The following KSR2 variants were observed in gnomAD, a reference collection of about 807,000 sequenced individuals.
The protein encoded by KSR2 is kinase suppressor of ras 2.
KSR2 carries 25 observed loss-of-function variants against 107.8 expected under a neutral mutation model. The observed-to-expected ratio is 0.23, with a 90% CI of 0.17 to 0.32. The LOEUF (loss-of-function observed/expected upper bound fraction) is 0.32, where lower values mean the gene tolerates loss of function less well. Among genes scored for constraint, KSR2 ranks in the 10% least tolerant of loss-of-function variants. The probability of loss-of-function intolerance (pLI) is 1.00; values close to 1 mark genes in which losing one functional copy is unlikely to be tolerated. For synonymous variants in KSR2, 480 were observed against 507.0 expected (o/e 0.95, Z 0.71); for missense variants, 887 against 1,268.9 (o/e 0.70, Z 4.57).
At chr12:117,692,594 C>A (rs1258294162) in intron 4 of KSR2, among the ~76,000 whole-genome samples, 2 of 149,800 alleles carry the variant, frequency 1.3e-5, no homozygotes, top group African/African-American at 4.9e-5. Flanking sequence ...TAAACAAATA[C>A]ACGTACACCT....
intron 3 of KSR2, among the ~76,000 whole-genome samples, chr12:117,768,705 G>A (rs1889332040): frequency 1.3e-5 from 2 of 152,230 alleles, no homozygotes; most frequent in South Asian, 2.1e-4. Context: ...GAGAGGTGGA[G>A]TGACTGTATA....
intron 14 of KSR2, among the ~76,000 whole-genome samples, chr12:117,513,908 T>G (rs1874196413): frequency 6.6e-6 from 1 of 152,230 alleles, no homozygotes; most frequent in African/African-American, 2.4e-5. Flanking sequence ...TTGAAGTAGG[T>G]ACCGTTCAAT....
At chr12:117,570,740 T>G (rs1218413963) in intron 7 of KSR2, among the ~76,000 whole-genome samples, 1 of 152,212 alleles carries the variant, frequency 6.6e-6, no homozygotes, top group African/African-American at 2.4e-5. Flanking sequence ...TGAACATATC[T>G]CATCACATGG....
chr12:117,697,739 CAAAAAA>C (rs35764451), intron 4 of KSR2, among the ~76,000 whole-genome samples: 1 of 66,382 alleles, frequency 1.5e-5, no homozygotes. Flanking sequence ...GACTCCATCT[CAAAAAA>C]AAAAAAAAAA....
intron 9 of KSR2, among the ~76,000 whole-genome samples, chr12:117,540,786 G>A (rs1876429887): frequency 6.6e-6 from 1 of 152,202 alleles, no homozygotes; most frequent in South Asian, 2.1e-4. Flanking sequence ...GTCCTTCAGA[G>A]CCTCTAGAAG....
chr12:117,688,803 G>C (rs1885693596), intron 4 of KSR2, among the ~76,000 whole-genome samples: 1 of 152,192 alleles, frequency 6.6e-6, no homozygotes, highest in African/African-American at 2.4e-5. Flanking sequence ...TGTAAGTTTG[G>C]AGGACGACTC....
At position 117,530,453 on chromosome 12, in the gene KSR2, T is replaced by A. The variant is rs1334520604; in HGVS notation, c.1802+488A>T. On this transcript the variant is annotated intron_variant, in intron 12 of 19. Transcript: ENST00000339824. ...ACAAATAGGCATGGCTGTGTTCCAATAAAACTTTAAATAAAAACAAGCAGG... is the reference window on the plus strand; with the variant it reads ...ACAAATAGGCATGGCTGTGTTCCAAAAAAACTTTAAATAAAAACAAGCAGG... Among the ~76,000 whole-genome samples the A allele has an allele frequency of 3.3e-5, 5 of 152,262 alleles. No individual in the cohort carries two copies. The East Asian group carries it at 5.8e-4, about 18-fold the overall frequency.
chr12:117,828,697 C>T (rs955496510), intron 3 of KSR2, among the ~76,000 whole-genome samples: 6 of 152,186 alleles, frequency 3.9e-5, no homozygotes, highest in African/African-American at 9.7e-5. Context: ...AATTCGGGGG[C>T]CCCTCAGCCC....
chr12:117,626,678 T>C (rs934374417), intron 5 of KSR2, among the ~76,000 whole-genome samples: 7 of 152,214 alleles, frequency 4.6e-5, no homozygotes, highest in African/African-American at 1.7e-4. Context: ...GAATGTATAC[T>C]CTGTTGATTT....
At chr12:117,917,092 C>T (rs1376435754) in intron 1 of KSR2, among the ~76,000 whole-genome samples, 1 of 152,152 alleles carries the variant, frequency 6.6e-6, no homozygotes, top group Non-Finnish European at 1.5e-5. Context: ...AGTAGCACAC[C>T]ATCCTCCCCA....
chr12:117,794,258 T>TAC (rs1890487890), intron 3 of KSR2, among the ~76,000 whole-genome samples: 1 of 17,962 alleles, frequency 5.6e-5, no homozygotes, highest in African/African-American at 2.9e-4. Flanking sequence ...CATGCACACA[T>TAC]ACACCAACAT....
At chr12:117,587,133 T>A (rs998137735) in intron 5 of KSR2, among the ~76,000 whole-genome samples, 1 of 152,196 alleles carries the variant, frequency 6.6e-6, no homozygotes, top group African/African-American at 2.4e-5. Flanking sequence ...GGAAGTGATG[T>A]AATAGCATAA....
intron 5 of KSR2, among the ~76,000 whole-genome samples, chr12:117,610,129 C>T (rs368582660): frequency 6.6e-6 from 1 of 152,082 alleles, no homozygotes; most frequent in Admixed American, 6.6e-5. Context: ...CTAGATATTA[C>T]TCAGCCTCCT....
At chr12:117,633,650 C>T (rs2136379849) in intron 5 of KSR2, among the ~76,000 whole-genome samples, 1 of 152,312 alleles carries the variant, frequency 6.6e-6, no homozygotes, top group African/African-American at 2.4e-5. Flanking sequence ...TGCCTCTGTC[C>T]TCACATGGTC....
intron 3 of KSR2, among the ~76,000 whole-genome samples, chr12:117,765,607 C>A (rs1472218419): frequency 2.6e-5 from 4 of 151,794 alleles, no homozygotes; most frequent in Non-Finnish European, 5.9e-5. Context: ...CACACACACT[C>A]AAAAAAAACC....
At chr12:117,645,898 TG>T (rs1883607921) in intron 5 of KSR2, among the ~76,000 whole-genome samples, 1 of 150,946 alleles carries the variant, frequency 6.6e-6, no homozygotes, top group Admixed American at 6.6e-5. Context: ...TGTGTGTGTG[TG>T]TGTGTGTGTG....
chr12:117,610,098 AT>A (rs1418535643), intron 5 of KSR2, among the ~76,000 whole-genome samples: 1 of 151,828 alleles, frequency 6.6e-6, no homozygotes, highest in Admixed American at 6.6e-5. Flanking sequence ...TTATTTTTAT[AT>A]TTTTTTCTGA....
At chr12:117,738,583 CA>C (rs1406424908) in intron 4 of KSR2, among the ~76,000 whole-genome samples, 1 of 152,002 alleles carries the variant, frequency 6.6e-6, no homozygotes, top group African/African-American at 2.4e-5. Context: ...ATATTAAAGA[CA>C]AAAAATGTGG....
intron 4 of KSR2, among the ~76,000 whole-genome samples, chr12:117,668,534 G>C (rs576959018): frequency 1.3e-5 from 2 of 152,280 alleles, no homozygotes; most frequent in East Asian, 3.9e-4. Context: ...TGCTGGAGAA[G>C]AGCAGGTGCA....
Sources: gnomAD v4.1 joint callset for allele counts (sites outside exome capture counted in the v4.1 genomes callset) on GRCh38, gnomAD v4.1.1 for gene constraint, MANE v1.5 for transcripts, NCBI Gene and HGNC (gene_info 2026-07-23, HGNC 2026-07-21) for gene names.